DNAH3: variants seen among roughly 807,000 people sequenced by gnomAD.
DNAH3 encodes axonemal beta dynein heavy chain 3.
A neutral mutation model predicts 432.5 loss-of-function variants in DNAH3; 332 were observed. The observed-to-expected ratio is 0.77, with a 90% CI of 0.70 to 0.84. DNAH3 has a LOEUF of 0.84. DNAH3 is among the 40% of genes least tolerant of loss of function. The probability of loss-of-function intolerance (pLI) is 0.00; values close to 1 mark genes in which losing one functional copy is unlikely to be tolerated. For missense variants in DNAH3, 4,861 were observed against 5,114.0 expected, an observed-to-expected ratio of 0.95 and a Z score of 1.51; for synonymous variants, 1,956 against 1,900.2, an observed-to-expected ratio of 1.03 and a Z score of -0.76.
exon 49 of DNAH3, chr16:20,982,736 TCATCAAGCTCCA>T (rs1163388034): frequency 6.2e-7 from 1 of 1,614,062 alleles, no homozygotes; most frequent in African/African-American, 1.3e-5. Context: ...CCGAATGTTG[TCATCAAGCTCCA>T]CATCCTCTAG....
chr16:20,997,485 C>T, intron 43 of DNAH3, 23 bp from the exon 44 acceptor site: 2 of 1,610,396 alleles, frequency 1.2e-6, no homozygotes, highest in Non-Finnish European at 1.7e-6. Flanking sequence ...ACCACAGATA[C>T]AGCCATTGCA....
intron 1 of DNAH3, among the ~76,000 whole-genome samples, chr16:21,146,556 A>C (rs1027998602): frequency 1.3e-4 from 20 of 152,144 alleles, no homozygotes; most frequent in African/African-American, 4.6e-4. Flanking sequence ...AGAGTGACTA[A>C]ATCTAATTAT....
rs372901944 is a variant in DNAH3 at position 21,060,524 on chromosome 16, TTC to T, written c.3721-170_3721-169del. On this transcript the variant is annotated intron_variant, in intron 25 of 61. Transcript: ENST00000261383. The stretch of plus-strand genomic sequence containing the variant: ...CCCCGTTCTTTTTTTCTTTTTTTTT[TTC>T]TTTTTTTTTTTTTTTTTGATACAGA... 1.0e-3 allele frequency among the ~76,000 whole-genome samples: 124 copies of T among 120,636 alleles called. 2 individuals are homozygous for T. The highest frequency in any genetic ancestry group is 3.8e-3 in the Admixed American group (38 of 10,048). The allele number at this position is 120,636 out of a possible 152,430, so 79.1% of individuals were successfully genotyped here.
intron 50 of DNAH3, among the ~76,000 whole-genome samples, chr16:20,978,215 T>G (rs1342467476): frequency 1.3e-5 from 2 of 152,190 alleles, no homozygotes; most frequent in Admixed American, 6.5e-5. Flanking sequence ...CTGCTACCAC[T>G]TAGTTTTTTC....
rs199600381 is a variant in DNAH3, at chr16:20,976,662, T to TA, written c.8077-1248dup. Among the ~76,000 whole-genome samples the TA allele has an allele frequency of 7.1e-3, 1,087 of 152,368 alleles. 9 individuals are homozygous for TA. The highest frequency in any genetic ancestry group is 0.025 in the African/African-American group (1,035 of 41,588). ...ATAATCCCCAATTTGATGGCAATTA[T>TA]AGGCGAGGTCTTTGAAGATAATTAG... On this transcript the variant is annotated intron_variant, in intron 50 of 61. Coordinates refer to ENST00000261383, the Ensembl canonical transcript of DNAH3.
intron 5 of DNAH3, among the ~76,000 whole-genome samples, chr16:21,137,913 G>A (rs892296069): frequency 1.3e-5 from 2 of 152,160 alleles, no homozygotes; most frequent in South Asian, 4.1e-4. Context: ...AGCACAGAGT[G>A]TGAGGAAAGG....
chr16:21,062,619 C>T, exon 25 of DNAH3: 1 of 1,614,148 alleles, frequency 6.2e-7, no homozygotes, highest in Non-Finnish European at 8.5e-7. Context: ...TGCGGCTGCA[C>T]TCGGAGAGGG....
In DNAH3 at chr16:20,989,089, T is replaced by C. The variant is rs112483477; in HGVS notation, c.6602-1024A>G. On this transcript the variant is annotated intron_variant, in intron 44 of 61. Coordinates refer to ENST00000261383, the Ensembl canonical transcript of DNAH3. ...GAGCGAAAGAACAAAGCTTCCACAG[T>C]GCGGAAAGAGACCCGAGCGGGTTAC... 6.1e-3 allele frequency among the ~76,000 whole-genome samples: 929 copies of C among 152,282 alleles called. 10 individuals carry two copies. The highest frequency in any genetic ancestry group is 0.021 in the African/African-American group (870 of 41,566).
chr16:20,994,408 G>A (rs964156834), intron 44 of DNAH3, among the ~76,000 whole-genome samples: 1 of 152,158 alleles, frequency 6.6e-6, no homozygotes, highest in African/African-American at 2.4e-5. Context: ...TCCAGCCTGG[G>A]CGACAAGAGC....
intron 1 of DNAH3, among the ~76,000 whole-genome samples, chr16:21,154,010 C>T (rs1669802556): frequency 6.6e-6 from 1 of 152,182 alleles, no homozygotes. Flanking sequence ...GAGCTGGAGA[C>T]TCTGGTTTAG....
intron 1 of DNAH3, among the ~76,000 whole-genome samples, chr16:21,149,278 T>C (rs1223241763): frequency 2.0e-5 from 3 of 151,908 alleles, no homozygotes. Context: ...AATGCTTAAA[T>C]CTTCTCTTTG....
intron 1 of DNAH3, 128 bp from the exon 3 acceptor site, chr16:21,146,216 A>G (rs1396879923): frequency 1.6e-6 from 1 of 608,734 alleles, no homozygotes; most frequent in African/African-American, 1.9e-5. Context: ...AAAACAAAAC[A>G]CTCCTCTCAT....
intron 38 of DNAH3, among the ~76,000 whole-genome samples, chr16:21,025,131 G>C (rs1425082298): frequency 1.3e-5 from 2 of 151,948 alleles, no homozygotes; most frequent in Non-Finnish European, 2.9e-5. Flanking sequence ...TTTGTCTTTA[G>C]TAGAGACAGG....
At chr16:21,001,119 G>C (rs1406536302) in intron 42 of DNAH3, among the ~76,000 whole-genome samples, 1 of 152,152 alleles carries the variant, frequency 6.6e-6, no homozygotes, top group African/African-American at 2.4e-5. Context: ...TTGGTTCTAA[G>C]ACCCACCCTT....
At chr16:20,998,684 GC>G (rs1185796167) in intron 43 of DNAH3, among the ~76,000 whole-genome samples, 2 of 147,588 alleles carry the variant, frequency 1.4e-5, no homozygotes, top group Admixed American at 6.9e-5. Context: ...TGAAATGGGG[GC>G]TCTTCGAGAT....
chr16:21,140,566 T>C, exon 5 of DNAH3: 1 of 1,614,096 alleles, frequency 6.2e-7, no homozygotes, highest in Non-Finnish European at 8.5e-7. Flanking sequence ...GCTTCTTTTC[T>C]TTACTTTCCA....
chr16:21,123,538 C>T (rs2152814516), intron 9 of DNAH3, among the ~76,000 whole-genome samples: 1 of 152,268 alleles, frequency 6.6e-6, no homozygotes, highest in Non-Finnish European at 1.5e-5. Flanking sequence ...GATTGGTCTT[C>T]TTTAGAGAGC....
chr16:20,972,224 A>AT (rs922788101), intron 51 of DNAH3, among the ~76,000 whole-genome samples: 7 of 147,478 alleles, frequency 4.7e-5, no homozygotes, highest in Admixed American at 2.0e-4. Flanking sequence ...AAATCTCCTG[A>AT]TTTTTTTTTC....
chr16:21,081,920 T>A (rs184812997), intron 19 of DNAH3, among the ~76,000 whole-genome samples, 193 bp from the exon 20 acceptor site: 2,348 of 152,184 alleles, frequency 0.015, 61 homozygotes, highest in African/African-American at 0.053. Context: ...ATTAAAAAAA[T>A]TTTTTGAGAC....
Sources: allele counts gnomAD v4.1 joint callset (sites outside exome capture counted in the v4.1 genomes callset), GRCh38; gene constraint gnomAD v4.1.1; transcripts MANE v1.5; gene names NCBI Gene and HGNC (gene_info 2026-07-23, HGNC 2026-07-21).